The following MYO18B variants were observed in gnomAD, a reference collection of about 807,000 sequenced individuals.
The protein encoded by MYO18B is myosin XVIIIB, also known as unconventional myosin-XVIIIb.
MYO18B carries 204 observed loss-of-function variants against 273.0 expected under a neutral mutation model. That is an observed-to-expected ratio of 0.75 (90% CI 0.67 to 0.84). The LOEUF (loss-of-function observed/expected upper bound fraction) is 0.84. Ranked by LOEUF, MYO18B falls within the 40% of genes least tolerant of loss-of-function variation. The pLI is 0.00. For missense variants in MYO18B, 3,212 were observed against 3,287.6 expected (o/e 0.98, Z 0.56); for synonymous variants, 1,330 against 1,305.7 (o/e 1.02, Z -0.40).
At chr22:26,024,802 T>C (rs1936117453) in intron 42 of MYO18B, among the ~76,000 whole-genome samples, 1 of 152,208 alleles carries the variant, frequency 6.6e-6, no homozygotes, top group South Asian at 2.1e-4. Flanking sequence ...AGGCAGGGTC[T>C]AGGTGCCTGT....
At chr22:25,935,972 G>A (rs1052264606) in intron 34 of MYO18B, among the ~76,000 whole-genome samples, 13 of 152,214 alleles carry the variant, frequency 8.5e-5, no homozygotes, top group African/African-American at 2.9e-4. Context: ...CTGAGCTCAC[G>A]TGTCTGCCTC....
At chr22:25,970,129 A>G (rs966751785) in intron 39 of MYO18B, among the ~76,000 whole-genome samples, 2 of 151,930 alleles carry the variant, frequency 1.3e-5, no homozygotes, top group Non-Finnish European at 2.9e-5. Flanking sequence ...ACCATCAATC[A>G]TCATCTTGAT....
chr22:26,007,147 T>G (rs1948689285), intron 42 of MYO18B, among the ~76,000 whole-genome samples: 1 of 152,180 alleles, frequency 6.6e-6, no homozygotes, highest in African/African-American at 2.4e-5. Flanking sequence ...GCAAGGGAGA[T>G]ACTTACACAT....
chr22:25,911,646 A>G (rs552102044), intron 33 of MYO18B, among the ~76,000 whole-genome samples: 12 of 152,318 alleles, frequency 7.9e-5, no homozygotes, highest in Admixed American at 5.2e-4. Context: ...TGTCCTGTAC[A>G]TTGCGGGATA....
chr22:25,985,215 G>T (rs915637793), intron 39 of MYO18B, among the ~76,000 whole-genome samples: 28 of 152,036 alleles, frequency 1.8e-4, no homozygotes, highest in African/African-American at 6.5e-4. Flanking sequence ...ACAAAAATTA[G>T]CCAGGCATAA....
intron 39 of MYO18B, among the ~76,000 whole-genome samples, chr22:25,971,087 T>A (rs1237944199): frequency 6.6e-6 from 1 of 152,260 alleles, no homozygotes; most frequent in African/African-American, 2.4e-5. Flanking sequence ...CCATACTGTC[T>A]CTGTCACAAC....
At chr22:25,795,159 TCTC>T (rs2087855309) in intron 11 of MYO18B, among the ~76,000 whole-genome samples, 1 of 152,210 alleles carries the variant, frequency 6.6e-6, no homozygotes, top group Non-Finnish European at 1.5e-5. Context: ...GTGGCTCCAT[TCTC>T]CTGCTGATAG....
At chr22:25,905,914 GA>G (rs1003412402) in intron 31 of MYO18B, among the ~76,000 whole-genome samples, 10 of 152,184 alleles carry the variant, frequency 6.6e-5, no homozygotes, top group African/African-American at 2.4e-4. Context: ...TTCCTTAAAT[GA>G]GCAGGATCTT....
In MYO18B at chr22:25,835,394, G is replaced by T. The variant is rs370453335; in HGVS notation, c.3159G>T (p.Val1053=). 7 of 1,613,860 alleles carry T rather than the reference G, an allele frequency of 4.3e-6. No homozygotes were observed. In the African/African-American group the frequency reaches 8.0e-5, roughly 18 times the overall value. Residue 1053 remains valine, a synonymous_variant, in exon 17 of 44, where the codon GTG becomes GTT. Transcript: ENST00000335473. ...VHVEGSSDSV[V]LERLCAAFEK... Reference sequence around the variant, plus strand: ...TAGAGGGCTCCAGTGACAGTGTGGTGCTCGAGCGTCTGTGTGCTGCTTTCG... The same window carrying T: ...TAGAGGGCTCCAGTGACAGTGTGGTTCTCGAGCGTCTGTGTGCTGCTTTCG...
At chr22:25,948,474 C>A (rs899950880) in intron 36 of MYO18B, among the ~76,000 whole-genome samples, 1 of 114,640 alleles carries the variant, frequency 8.7e-6, no homozygotes, top group African/African-American at 3.2e-5. Flanking sequence ...TTCTTTCTTT[C>A]TTTCTTTCTT....
chr22:25,772,626 C>T, intron 7 of MYO18B, 116 bp downstream of exon 7: 1 of 1,038,306 alleles, frequency 9.6e-7, no homozygotes, highest in Non-Finnish European at 1.4e-6. Context: ...GACCTGTCTG[C>T]AAGCAGCATC....
chr22:25,802,826 G>A (rs1287222118), intron 12 of MYO18B, among the ~76,000 whole-genome samples: 1 of 150,848 alleles, frequency 6.6e-6, no homozygotes, highest in African/African-American at 2.4e-5. Context: ...CCTAAGCAAT[G>A]CTTTCCCCCA....
At chr22:25,952,976 AT>A (rs1249622303) in intron 38 of MYO18B, among the ~76,000 whole-genome samples, 2 of 152,252 alleles carry the variant, frequency 1.3e-5, no homozygotes, top group East Asian at 3.8e-4. Flanking sequence ...GTACATAAAT[AT>A]CTGTAATATG....
At chr22:25,850,431 C>A (rs2090391419) in intron 20 of MYO18B, among the ~76,000 whole-genome samples, 1 of 152,126 alleles carries the variant, frequency 6.6e-6, no homozygotes, top group African/African-American at 2.4e-5. Flanking sequence ...TAGGTGAATT[C>A]ATCTCTCTGG....
chr22:26,017,149 C>A (rs1935419626), intron 42 of MYO18B, among the ~76,000 whole-genome samples: 1 of 149,806 alleles, frequency 6.7e-6, no homozygotes, highest in Admixed American at 6.7e-5. Context: ...CTCCCTCCCT[C>A]CCTCCTTCTT....
intron 33 of MYO18B, among the ~76,000 whole-genome samples, chr22:25,917,874 T>G (rs2146424696): frequency 6.6e-6 from 1 of 152,298 alleles, no homozygotes; most frequent in African/African-American, 2.4e-5. Flanking sequence ...AGATATATGC[T>G]TAATCATAAT....
In MYO18B at chr22:25,761,089, C is replaced by T. The variant is rs747117762; in HGVS notation, c.-4C>T. On this transcript the variant is annotated 5_prime_UTR_variant, in exon 2 of 44. Coordinates refer to ENST00000335473, the MANE Select transcript of MYO18B (RefSeq NM_032608.7). Reference sequence around the variant, plus strand: ...TCATCTCACGGCCCTGGCACTGCCTCAGCATGGCCATCTCATCACGCCTCG... The same window carrying T: ...TCATCTCACGGCCCTGGCACTGCCTTAGCATGGCCATCTCATCACGCCTCG... The T allele has an allele frequency of 3.1e-6, 5 of 1,613,556 alleles. No individual in the cohort carries two copies. In the Admixed American group the frequency reaches 5.0e-5, roughly 16 times the overall value.
At chr22:26,024,061 G>A (rs1021922906) in intron 42 of MYO18B, among the ~76,000 whole-genome samples, 1 of 152,178 alleles carries the variant, frequency 6.6e-6, no homozygotes, top group Non-Finnish European at 1.5e-5. Flanking sequence ...TTCTTACGGT[G>A]AGACAGAAGG....
At chr22:25,745,168 G>A (rs1476997107) in intron 1 of MYO18B, among the ~76,000 whole-genome samples, 1 of 152,042 alleles carries the variant, frequency 6.6e-6, no homozygotes, top group Non-Finnish European at 1.5e-5. Flanking sequence ...GGTGTGCAGT[G>A]GCCCAATCTC....
Sources: gnomAD v4.1 joint callset for allele counts (sites outside exome capture counted in the v4.1 genomes callset) on GRCh38, gnomAD v4.1.1 for gene constraint, MANE v1.5 for transcripts, NCBI Gene and HGNC (gene_info 2026-07-23, HGNC 2026-07-21) for gene names.